Variants in MALRD1 observed in about 807,000 individuals in gnomAD.
The protein encoded by MALRD1 is MAM and LDL receptor class A domain containing 1.
Under a neutral mutation model 242.1 loss-of-function variants are expected in MALRD1, and 247 were observed. That is an observed-to-expected ratio of 1.02 (90% CI 0.92 to 1.13). MALRD1 has a LOEUF of 1.13. Ranked by LOEUF, MALRD1 falls within the 50% of genes most tolerant of loss-of-function variation. MALRD1 has a pLI of 0.00. For missense variants in MALRD1, 2,989 were observed against 2,533.1 expected (o/e 1.18, Z -3.86); for synonymous variants, 995 against 866.6 (o/e 1.15, Z -2.60).
At chr10:19,546,806 G>T (rs756825178) in intron 32 of MALRD1, among the ~76,000 whole-genome samples, 44 of 152,218 alleles carry the variant, frequency 2.9e-4, no homozygotes, top group Middle Eastern at 6.8e-3. Flanking sequence ...CATTGCTTCT[G>T]TTGATTTATG....
chr10:19,532,086 A>G (rs1007671595), intron 32 of MALRD1, among the ~76,000 whole-genome samples: 2 of 152,214 alleles, frequency 1.3e-5, no homozygotes, highest in Non-Finnish European at 2.9e-5. Context: ...CCTTATATTT[A>G]CATGTATTAT....
chr10:19,117,408 C>G (rs1239111279), intron 5 of MALRD1, among the ~76,000 whole-genome samples: 3 of 150,966 alleles, frequency 2.0e-5, no homozygotes, highest in South Asian at 2.1e-4. Flanking sequence ...GCAATTTGTA[C>G]TCAACTGTTT....
chr10:19,603,902 C>G (rs970112182), intron 34 of MALRD1, among the ~76,000 whole-genome samples: 4 of 152,136 alleles, frequency 2.6e-5, no homozygotes. Context: ...TATGTTCTGA[C>G]TGCTCCACCA....
Position 19,538,749 on chromosome 10 carries a change from T to C in MALRD1, c.5478+7398T>C, listed in dbSNP as rs116368493. On this transcript the variant is annotated intron_variant, in intron 32 of 39. Coordinates refer to ENST00000454679, the MANE Select transcript of MALRD1 (RefSeq NM_001142308.3). Reference sequence around the variant, plus strand: ...ATAGGTAACTCACAATTTATACTTTTCGTAATATTTTTGTAATTTATATAA... The same window carrying C: ...ATAGGTAACTCACAATTTATACTTTCCGTAATATTTTTGTAATTTATATAA... 3.0e-3 allele frequency among the ~76,000 whole-genome samples: 464 copies of C among 152,188 alleles called. 1 individual carries two copies. Among genetic ancestry groups the C allele is most frequent in the African/African-American group, 0.01 (432 of 41,524 alleles).
chr10:19,069,752 C>CTT lies in MALRD1; in HGVS notation c.340+2902_340+2903dup, dbSNP rs113331977. Among the ~76,000 whole-genome samples the CTT allele has an allele frequency of 1.6e-3, 236 of 146,030 alleles. 5 individuals carry two copies. The East Asian group carries it at 0.041, about 25-fold the overall frequency. On this transcript the variant is annotated intron_variant, in intron 2 of 39. Transcript: ENST00000454679. Reference sequence around the variant, plus strand: ...GTTTCTACTGTGATATCCACAATTTCTTTTTTTTTTCTGTGTTTAATATAT... The same window carrying CTT: ...GTTTCTACTGTGATATCCACAATTTCTTTTTTTTTTTTCTGTGTTTAATATAT...
intron 39 of MALRD1, among the ~76,000 whole-genome samples, 199 bp from the exon 40 acceptor site, chr10:19,733,958 A>G (rs16919319): frequency 0.019 from 2,953 of 152,152 alleles, 89 homozygotes; most frequent in African/African-American, 0.067. Context: ...TGAGGACCCC[A>G]GGATACATGG....
intron 24 of MALRD1, among the ~76,000 whole-genome samples, chr10:19,335,192 G>T (rs201858710): frequency 1.3e-3 from 179 of 137,302 alleles, no homozygotes; most frequent in Middle Eastern, 7.6e-3. Context: ...GTTTTTTTTT[G>T]TTTTTTTTTT....
intron 4 of MALRD1, among the ~76,000 whole-genome samples, chr10:19,095,196 G>A (rs932066488): frequency 6.6e-6 from 1 of 152,168 alleles, no homozygotes; most frequent in East Asian, 1.9e-4. Context: ...AAGAGGAAAA[G>A]AATGGCTAAA....
chr10:19,348,379 A>G (rs980538709), intron 25 of MALRD1, among the ~76,000 whole-genome samples: 6 of 152,180 alleles, frequency 3.9e-5, no homozygotes, highest in African/African-American at 1.4e-4. Context: ...TACAAACAGA[A>G]ATAGAATTAA....
intron 13 of MALRD1, among the ~76,000 whole-genome samples, chr10:19,169,664 A>G (rs1045330455): frequency 1.3e-5 from 2 of 152,224 alleles, no homozygotes; most frequent in African/African-American, 4.8e-5. Context: ...ATATGAAAAT[A>G]TACATGAGGA....
chr10:19,165,161 A>G (rs1040649444), intron 12 of MALRD1, among the ~76,000 whole-genome samples: 5 of 149,956 alleles, frequency 3.3e-5, no homozygotes, highest in Non-Finnish European at 5.9e-5. Flanking sequence ...CCATGGAAAC[A>G]GTGGTACTGC....
intron 31 of MALRD1, among the ~76,000 whole-genome samples, chr10:19,503,810 T>C (rs1838080176): frequency 6.6e-6 from 1 of 152,244 alleles, no homozygotes. Context: ...TATCCCCTAC[T>C]ATATTTATTG....
intron 31 of MALRD1, among the ~76,000 whole-genome samples, chr10:19,513,605 A>G (rs547423806): frequency 1.3e-5 from 2 of 151,940 alleles, no homozygotes; most frequent in South Asian, 2.1e-4. Flanking sequence ...CAGGCGTGGT[A>G]GCGGGTGCCT....
chr10:19,622,103 A>G (rs1344978756), intron 36 of MALRD1, among the ~76,000 whole-genome samples: 5 of 151,800 alleles, frequency 3.3e-5, no homozygotes. Flanking sequence ...TTAAAATTAG[A>G]AACAAAGCAA....
intron 5 of MALRD1, among the ~76,000 whole-genome samples, chr10:19,107,754 G>A (rs1243219620): frequency 6.6e-6 from 1 of 150,722 alleles, no homozygotes; most frequent in Non-Finnish European, 1.5e-5. Flanking sequence ...GTTTTCTATA[G>A]TGGTAAGCTT....
At chr10:19,484,403 A>G (rs1410248638) in intron 29 of MALRD1, among the ~76,000 whole-genome samples, 4 of 152,236 alleles carry the variant, frequency 2.6e-5, no homozygotes, top group Admixed American at 6.5e-5. Flanking sequence ...AAGAGAGTGC[A>G]TGTGTCAGTT....
chr10:19,497,341 C>G (rs1837767536), intron 30 of MALRD1, among the ~76,000 whole-genome samples: 2 of 149,152 alleles, frequency 1.3e-5, no homozygotes, highest in Admixed American at 1.3e-4. Context: ...ACAAAAAAGG[C>G]ACACAGAGCC....
intron 24 of MALRD1, among the ~76,000 whole-genome samples, chr10:19,333,512 G>A (rs575734283): frequency 4.7e-4 from 71 of 152,226 alleles, no homozygotes; most frequent in Non-Finnish European, 6.2e-4. Context: ...ATTCCGTGGT[G>A]TATATGTAAC....
chr10:19,315,158 T>C (rs1266588911), intron 21 of MALRD1, among the ~76,000 whole-genome samples: 1 of 133,518 alleles, frequency 7.5e-6, no homozygotes, highest in Admixed American at 8.0e-5. Flanking sequence ...TTTATAGAAA[T>C]ATGTAAATAT....
Sources: gnomAD v4.1 joint callset for allele counts (sites outside exome capture counted in the v4.1 genomes callset) on GRCh38, gnomAD v4.1.1 for gene constraint, MANE v1.5 for transcripts, NCBI Gene and HGNC (gene_info 2026-07-23, HGNC 2026-07-21) for gene names.